The following LANCL3 variants were observed in gnomAD, a reference collection of about 807,000 sequenced individuals.
LANCL3 encodes the protein lanC-like protein 3.
LANCL3 carries 19 observed loss-of-function variants against 26.5 expected under a neutral mutation model. That is an observed-to-expected ratio of 0.72 (90% CI 0.50 to 1.05). The LOEUF is 1.05. LANCL3 is among the 50% of genes least tolerant of loss of function. The probability of loss-of-function intolerance (pLI) is 0.00; values close to 1 mark genes in which losing one functional copy is unlikely to be tolerated. For missense variants in LANCL3, 318 were observed against 362.7 expected, an observed-to-expected ratio of 0.88 and a Z score of 1.00; for synonymous variants, 160 against 166.6, an observed-to-expected ratio of 0.96 and a Z score of 0.30.
intron 1 of LANCL3, among the ~76,000 whole-genome samples, chrX:37,643,871 A>G (rs1382790421): frequency 9.0e-6 from 1 of 111,629 alleles, no homozygotes; most frequent in Admixed American, 9.5e-5. Context: ...GGCATTGTGC[A>G]TGTGCTTTAT....
At chrX:37,610,572 A>G (rs1924838853) in intron 1 of LANCL3, among the ~76,000 whole-genome samples, 1 of 111,759 alleles carries the variant, frequency 8.9e-6, no homozygotes, top group Non-Finnish European at 1.9e-5. Context: ...CTGTGCCCGT[A>G]GATAGAATGC....
At chrX:37,630,809 T>C (rs1191560345) in intron 1 of LANCL3, among the ~76,000 whole-genome samples, 3 of 110,294 alleles carry the variant, frequency 2.7e-5, no homozygotes, top group Admixed American at 9.7e-5. Context: ...GCCCACTTGA[T>C]CATGGTGGAT....
At chrX:37,616,437 T>TA (rs1925011280) in intron 1 of LANCL3, among the ~76,000 whole-genome samples, 2 of 111,935 alleles carry the variant, frequency 1.8e-5, no homozygotes, top group South Asian at 3.7e-4. Context: ...GGTCCAGTGT[T>TA]AAAAAAGGAC....
At chrX:37,606,804 A>T (rs1355390843) in intron 1 of LANCL3, among the ~76,000 whole-genome samples, 2 of 112,169 alleles carry the variant, frequency 1.8e-5, no homozygotes, top group African/African-American at 6.5e-5. Flanking sequence ...ATTATTTCAC[A>T]TGTAAGTCTA....
chrX:37,595,217 C>T (rs1924393233), intron 1 of LANCL3, among the ~76,000 whole-genome samples: 1 of 111,752 alleles, frequency 8.9e-6, no homozygotes, highest in Non-Finnish European at 1.9e-5. Context: ...ATGATAGGCA[C>T]CTTCCTGGCA....
intron 2 of LANCL3, among the ~76,000 whole-genome samples, chrX:37,658,035 A>G (rs1926328906): frequency 8.9e-6 from 1 of 112,194 alleles, no homozygotes; most frequent in Admixed American, 9.4e-5. Flanking sequence ...GAGGGACTGG[A>G]CTTTGACCTT....
intron 1 of LANCL3, among the ~76,000 whole-genome samples, chrX:37,624,932 C>G (rs1556422802): frequency 1.8e-5 from 2 of 111,968 alleles, no homozygotes; most frequent in East Asian, 5.6e-4. Flanking sequence ...ATAAGTGTAT[C>G]AGCTCACATT....
intron 1 of LANCL3, among the ~76,000 whole-genome samples, chrX:37,654,387 G>A (rs188195684): frequency 1.6e-3 from 181 of 112,510 alleles, no homozygotes; most frequent in South Asian, 4.0e-3. Flanking sequence ...AGTTTTAGGA[G>A]AGAGGCCAAA....
At chrX:37,655,264 A>G (rs782477610) in intron 1 of LANCL3, among the ~76,000 whole-genome samples, 1 of 112,233 alleles carries the variant, frequency 8.9e-6, no homozygotes, top group East Asian at 2.8e-4. Context: ...CACAGTCTAA[A>G]TAACACAAAT....
At chrX:37,594,559 A>G (rs782791320) in intron 1 of LANCL3, among the ~76,000 whole-genome samples, 1 of 112,270 alleles carries the variant, frequency 8.9e-6, no homozygotes, top group South Asian at 3.7e-4. Context: ...TTGATAAGAG[A>G]TGGAGCCTAG....
At chrX:37,639,245 A>G (rs1205124119) in intron 1 of LANCL3, among the ~76,000 whole-genome samples, 2 of 101,840 alleles carry the variant, frequency 2.0e-5, no homozygotes, top group African/African-American at 3.5e-5. Context: ...ACCTACATAC[A>G]TATACACACA....
intron 1 of LANCL3, among the ~76,000 whole-genome samples, chrX:37,601,625 C>T (rs1924579012): frequency 9.0e-6 from 1 of 111,596 alleles, no homozygotes; most frequent in Admixed American, 9.5e-5. Context: ...CAAATGAGTT[C>T]AATGAGTTGG....
rs970442271 is a variant in LANCL3, at chrX:37,680,405, T to G, written c.*4592T>G. The G allele has an allele frequency of 2.7e-5, 3 of 111,738 alleles. No individual in the cohort carries two copies. The highest frequency in any genetic ancestry group is 9.8e-5 in the African/African-American group (3 of 30,731). The allele number at this position is 111,738 out of a possible 1,213,427, so 9.2% of individuals were successfully genotyped here. Reference sequence around the variant, plus strand: ...GAATCGAGGCCTGGTGGATGATGCCTTTAGAGTTTTTTGTTTTGTTTTGTT... The same window carrying G: ...GAATCGAGGCCTGGTGGATGATGCCGTTAGAGTTTTTTGTTTTGTTTTGTT... On this transcript the variant is annotated 3_prime_UTR_variant, in exon 5 of 5. Transcript: ENST00000378619.
At chrX:37,658,937 G>A (rs1284769912) in intron 2 of LANCL3, among the ~76,000 whole-genome samples, 1 of 112,709 alleles carries the variant, frequency 8.9e-6, no homozygotes, top group Non-Finnish European at 1.9e-5. Flanking sequence ...ATCTTGTACA[G>A]AGTAGATGCT....
At chrX:37,624,125 A>G (rs1039877986) in intron 1 of LANCL3, among the ~76,000 whole-genome samples, 2 of 111,568 alleles carry the variant, frequency 1.8e-5, no homozygotes, top group Non-Finnish European at 3.8e-5. Flanking sequence ...TGGAATTAAG[A>G]CAATTTTTTA....
At chrX:37,651,183 G>C (rs1926133542) in intron 1 of LANCL3, among the ~76,000 whole-genome samples, 1 of 111,284 alleles carries the variant, frequency 9.0e-6, no homozygotes, top group African/African-American at 3.3e-5. Flanking sequence ...AGTGCAGCAA[G>C]AAACATACAT....
intron 1 of LANCL3, among the ~76,000 whole-genome samples, chrX:37,575,686 A>C (rs1250615478): frequency 8.9e-6 from 1 of 112,300 alleles, no homozygotes; most frequent in Non-Finnish European, 1.9e-5. Context: ...TCACCTGCAG[A>C]TCTTGTAGAG....
chrX:37,651,656 G>T (rs781820600), intron 1 of LANCL3, among the ~76,000 whole-genome samples: 1 of 109,972 alleles, frequency 9.1e-6, no homozygotes, highest in East Asian at 2.8e-4. Context: ...CAATGTGCAG[G>T]TTTGTTACAT....
At chrX:37,583,659 A>T (rs1238143058) in intron 1 of LANCL3, among the ~76,000 whole-genome samples, 4 of 112,123 alleles carry the variant, frequency 3.6e-5, no homozygotes, top group Non-Finnish European at 5.6e-5. Flanking sequence ...ATTTTTGCAC[A>T]TTGATTTTGT....
Sources: allele counts gnomAD v4.1 joint callset (sites outside exome capture counted in the v4.1 genomes callset), GRCh38; gene constraint gnomAD v4.1.1; transcripts MANE v1.5; gene names NCBI Gene and HGNC (gene_info 2026-07-23, HGNC 2026-07-21).